Variants in USP40 observed in about 807,000 individuals in gnomAD.
The protein encoded by USP40 is ubiquitin carboxyl-terminal hydrolase 40.
A neutral mutation model predicts 166.2 loss-of-function variants in USP40; 143 were observed. That is an observed-to-expected ratio of 0.86 (90% CI 0.75 to 0.99). The LOEUF (loss-of-function observed/expected upper bound fraction) is 0.99. Among genes scored for constraint, USP40 ranks in the 50% least tolerant of loss-of-function variants. The pLI is 0.00. For missense variants in USP40, 1,444 were observed against 1,479.7 expected, an observed-to-expected ratio of 0.98 and a Z score of 0.40; for synonymous variants, 498 against 524.0, an observed-to-expected ratio of 0.95 and a Z score of 0.68.
At chr2:233,517,634 G>A (rs896309508) in intron 18 of USP40, among the ~76,000 whole-genome samples, 24 of 152,150 alleles carry the variant, frequency 1.6e-4, no homozygotes, top group South Asian at 6.2e-4. Flanking sequence ...TGGTCTCCCC[G>A]CCTCGGCCTC....
intron 1 of USP40, among the ~76,000 whole-genome samples, chr2:233,566,280 G>C (rs1277336511): frequency 6.6e-6 from 1 of 152,096 alleles, no homozygotes. Flanking sequence ...ACTTCCCCAA[G>C]GTTTCACATC....
In USP40 at chr2:233,554,373, T is replaced by C. The variant is rs569154912; in HGVS notation, c.693+7A>G. 4 of 1,607,588 alleles carry C rather than the reference T, an allele frequency of 2.5e-6. No homozygotes were observed. The highest frequency in any genetic ancestry group is 1.7e-5 in the Admixed American group (1 of 58,612). On this transcript the variant is annotated splice_region_variant and intron_variant, in intron 6 of 31. Transcript: ENST00000678225. ...GACCCTGGGAAAAAGCAGTTATCTG[T>C]CTTTACCTTTGCTGCTTTAACCAGC...
At chr2:233,551,069 AG>A (rs1433349058) in intron 7 of USP40, among the ~76,000 whole-genome samples, 1 of 152,244 alleles carries the variant, frequency 6.6e-6, no homozygotes, top group Non-Finnish European at 1.5e-5. Context: ...GTTCTCAAAC[AG>A]GGTCAATCTT....
chr2:233,511,766 T>C lies in USP40; in HGVS notation c.2469A>G (p.Glu823=), dbSNP rs1364023080. The part of the protein sequence containing the change: ...VPDSYTLKEA[E]LKMGSSLGLC... ...GTCCCAATGAACTTCCCATCTTCAATTCTGCTTCCTTCAAAGTATAGCTGT... is the reference window on the plus strand; with the variant it reads ...GTCCCAATGAACTTCCCATCTTCAACTCTGCTTCCTTCAAAGTATAGCTGT... The change falls in exon 20 of 32, where the codon GAA becomes GAG. Residue 823 remains glutamate, a synonymous_variant. Transcript: ENST00000678225. The C allele has an allele frequency of 6.2e-7, 1 of 1,612,042 alleles. No homozygotes were observed. The highest frequency in any genetic ancestry group is 1.1e-5 in the South Asian group (1 of 90,462).
chr2:233,507,065 C>CA (rs1254601014), intron 21 of USP40, among the ~76,000 whole-genome samples: 1 of 151,966 alleles, frequency 6.6e-6, no homozygotes, highest in Non-Finnish European at 1.5e-5. Context: ...GGTACGCACA[C>CA]AAAAAATGCT....
At chr2:233,560,900 T>C (rs910384931) in intron 3 of USP40, 6 of 619,270 alleles carry the variant, frequency 9.7e-6, no homozygotes, top group Non-Finnish European at 1.5e-5. Flanking sequence ...AAATATTTCC[T>C]TCACCAGAAG....
chr2:233,502,180 G>A (rs1368796336), intron 21 of USP40, among the ~76,000 whole-genome samples: 1 of 152,144 alleles, frequency 6.6e-6, no homozygotes, highest in Non-Finnish European at 1.5e-5. Flanking sequence ...GTACAGAAAG[G>A]AAGATACATC....
intron 9 of USP40, among the ~76,000 whole-genome samples, chr2:233,541,724 A>T (rs888682956): frequency 6.6e-6 from 1 of 152,238 alleles, no homozygotes; most frequent in African/African-American, 2.4e-5. Flanking sequence ...TCTTTAAAAC[A>T]GCATATTAAA....
In USP40 at chr2:233,518,985, G is replaced by T. The variant is rs562400443; in HGVS notation, c.2383+629C>A. Among the ~76,000 whole-genome samples the T allele has an allele frequency of 3.9e-5, 6 of 152,260 alleles. No homozygotes were observed. In the East Asian group the frequency reaches 9.7e-4, roughly 24 times the overall value. ...TAAATCATGGACTAACCTCAAAAATGATATGCTATGTGAAAGAAGCCAGAC... is the reference window on the plus strand; with the variant it reads ...TAAATCATGGACTAACCTCAAAAATTATATGCTATGTGAAAGAAGCCAGAC... On this transcript the variant is annotated intron_variant, in intron 18 of 31. Transcript: ENST00000678225.
intron 15 of USP40, among the ~76,000 whole-genome samples, chr2:233,524,233 G>A (rs1247041597): frequency 6.6e-6 from 1 of 152,004 alleles, no homozygotes. Context: ...GGGTTCAAGC[G>A]ATTCGCCTGC....
At chr2:233,556,792 A>G in intron 5 of USP40, 63 bp downstream of exon 5, 1 of 1,465,702 alleles carries the variant, frequency 6.8e-7, no homozygotes, top group South Asian at 1.4e-5. Context: ...TATATCATAC[A>G]TTTAATTACA....
chr2:233,494,956 TTATATATATATATA>T (rs71058559), intron 24 of USP40, among the ~76,000 whole-genome samples: 4 of 35,502 alleles, frequency 1.1e-4, no homozygotes, highest in East Asian at 1.2e-3. Context: ...ATATATATAT[TTATATATATATATA>T]TATATATATA....
Position 233,519,638 on chromosome 2 carries a change from C to T in USP40, c.2359G>A (p.Glu787Lys). 1 of 1,435,784 alleles carries T rather than the reference C, an allele frequency of 7.0e-7. No individual in the cohort carries two copies. The highest frequency in any genetic ancestry group is 9.5e-7 in the Non-Finnish European group (1 of 1,048,056). The allele number at this position is 1,435,784 out of a possible 1,614,324, so 88.9% of individuals were successfully genotyped here. ...VFDIRIKAIK[E>K]LKLMKELADN... ...CCTAGTTCCTTCATTAATTTTAATT[C>T]CTTTATGGCTTTAATTCGAATATCA... Residue 787 changes from glutamate to lysine, a missense_variant, in exon 18 of 32, where the codon GAA becomes AAA. Glu to Lys is a moderately conservative substitution (Grantham distance 56, BLOSUM62 1). Transcript: ENST00000678225.
intron 15 of USP40, among the ~76,000 whole-genome samples, chr2:233,523,964 T>G (rs1249594451): frequency 6.6e-6 from 1 of 152,224 alleles, no homozygotes; most frequent in East Asian, 1.9e-4. Context: ...ACAGATCAAC[T>G]GACTGGCCTT....
Position 233,476,979 on chromosome 2 carries a change from C to T in USP40, c.*413G>A, listed in dbSNP as rs1285797753. 9.3e-6 allele frequency: 3 copies of T among 320,870 alleles called. No homozygotes were observed. Among genetic ancestry groups the T allele is most frequent in the Non-Finnish European group, 1.8e-5 (3 of 165,956 alleles). 19.9% of individuals were successfully genotyped at this position (320,870 alleles called of 1,614,324 possible). On this transcript the variant is annotated 3_prime_UTR_variant, in exon 32 of 32. Coordinates refer to ENST00000678225, the MANE Select transcript of USP40 (RefSeq NM_001365479.2). ...ACTGTGAGAAGCCGGTCAGGGCGAA[C>T]GAGAGTCATCTGAACACGGAGGAAA... is the stretch of plus-strand genomic sequence containing the variant.
rs2065483448 is a variant in USP40 at position 233,493,533 on chromosome 2, TG to T, written c.2808del (p.Ile937SerfsTer54). ...GGACCCTGAAGCTGGTACCACCAGA[TG>T]GGCACCTTCAGGAAACCCTGAAGAA... ...QLPPLGFLKV[P>X]IWWYQLQGPS... On this transcript the variant is annotated frameshift_variant, in exon 25 of 32. Coordinates refer to ENST00000678225, the MANE Select transcript of USP40 (RefSeq NM_001365479.2). LOFTEE classifies it high-confidence loss of function. The surrounding 1 kb of genome is among the most constrained non-coding windows in gnomAD (Gnocchi z 4.7). 7 of 1,613,088 alleles carry T rather than the reference TG, an allele frequency of 4.3e-6. No individual in the cohort carries two copies. Among genetic ancestry groups the T allele is most frequent in the Non-Finnish European group, 5.1e-6 (6 of 1,179,514 alleles).
At position 233,477,425 on chromosome 2, in the gene USP40, A is replaced by C. The variant is rs2064236255; in HGVS notation, c.3678T>G (p.Thr1226=). The stretch of plus-strand genomic sequence containing the variant: ...AGCTCCCCACGTGGATGGAGAGAGA[A>C]GTTTCCGGGGCTCGGGGCCGGGCAG... ...ETPARPRAPE[T]SLSIHVGSFR The change falls in exon 32 of 32, where the codon ACT becomes ACG. Residue 1226 remains threonine (T), a synonymous_variant. Coordinates refer to ENST00000678225, the MANE Select transcript of USP40 (RefSeq NM_001365479.2). The C allele has an allele frequency of 6.2e-7, 1 of 1,613,718 alleles. No homozygotes were observed. The highest frequency in any genetic ancestry group is 8.5e-7 in the Non-Finnish European group (1 of 1,179,804).
chr2:233,558,914 T>G (rs2071334783), intron 4 of USP40, among the ~76,000 whole-genome samples: 1 of 152,200 alleles, frequency 6.6e-6, no homozygotes, highest in Admixed American at 6.5e-5. Context: ...ATGCCTTACC[T>G]CCTTAATCAC....
rs149596782 is a variant in USP40, at chr2:233,512,108, A to G, written c.2438-311T>C. 1,282 of 225,660 alleles carry G rather than the reference A, an allele frequency of 5.7e-3. 30 individuals carry two copies. In the East Asian group the frequency reaches 0.067, roughly 12 times the overall value. 14.0% of individuals were successfully genotyped at this position (225,660 alleles called of 1,614,324 possible). On this transcript the variant is annotated intron_variant, in intron 19 of 31. Coordinates refer to ENST00000678225, the MANE Select transcript of USP40 (RefSeq NM_001365479.2). ...ATATAGATTAAAAGCCAGATAATCC[A>G]AATCAATCCATAAATGAAGAAGTAG...
Sources: gnomAD v4.1 joint callset for allele counts (sites outside exome capture counted in the v4.1 genomes callset) on GRCh38, gnomAD v4.1.1 for gene constraint, Gnocchi (gnomAD v3.1) non-coding constraint, MANE v1.5 for transcripts, NCBI Gene and HGNC (gene_info 2026-07-23, HGNC 2026-07-21) for gene names.